CEP112: variants seen among roughly 807,000 people sequenced by gnomAD.
The protein encoded by CEP112 is centrosomal protein of 112 kDa.
CEP112 carries 127 observed loss-of-function variants against 153.0 expected under a neutral mutation model. The observed-to-expected ratio is 0.83, with a 90% confidence interval of 0.72 to 0.96. The LOEUF (loss-of-function observed/expected upper bound fraction) is 0.96, where lower values mean the gene tolerates loss of function less well. Among genes scored for constraint, CEP112 ranks in the 40% least tolerant of loss-of-function variants. The pLI, the probability that CEP112 is intolerant of heterozygous loss-of-function variation, is 0.00. For synonymous variants in CEP112, 358 were observed against 374.4 expected, an observed-to-expected ratio of 0.96 and a Z score of 0.51; for missense variants, 1,089 against 1,101.2, an observed-to-expected ratio of 0.99 and a Z score of 0.16.
intron 23 of CEP112, among the ~76,000 whole-genome samples, chr17:65,730,235 C>T (rs993037287): frequency 2.6e-5 from 4 of 152,136 alleles, no homozygotes; most frequent in Admixed American, 6.6e-5. Context: ...AGAATAGAAT[C>T]GGAGGGAAGC....
chr17:66,144,947 A>G lies in CEP112; in HGVS notation c.471-12184T>C, dbSNP rs141762498. Among the ~76,000 whole-genome samples, 215 of 152,256 alleles carry G rather than the reference A, an allele frequency of 1.4e-3. 1 individual carries two copies. Among genetic ancestry groups the G allele is most frequent in the Middle Eastern group, 6.8e-3 (2 of 294 alleles). On this transcript the variant is annotated intron_variant, in intron 4 of 26. Transcript: ENST00000535342. The stretch of plus-strand genomic sequence containing the variant: ...CTTAAAATTTATAAGAAATAGCCAA[A>G]CTGTTTTCCAGAGTGGTTGTGCAAT...
At chr17:65,707,914 A>G (rs2048996539) in intron 23 of CEP112, among the ~76,000 whole-genome samples, 1 of 152,206 alleles carries the variant, frequency 6.6e-6, no homozygotes, top group Non-Finnish European at 1.5e-5. Context: ...AATAGTCAAA[A>G]ATATATTATT....
At position 65,689,111 on chromosome 17, in the gene CEP112, TAGTAA is replaced by T; in HGVS notation, c.2697+13_2697+17del. ...AGAGAAAGTAAACAAGAGAGTCAAA[TAGTAA>T]AGGAGAGGGTACCTGTTCCTGTGAC... On this transcript the variant is annotated intron_variant, in intron 24 of 26. Coordinates refer to ENST00000535342, the MANE Select transcript of CEP112 (RefSeq NM_001199165.4). 2 of 1,553,310 alleles carry T rather than the reference TAGTAA, an allele frequency of 1.3e-6. No homozygotes were observed. Among genetic ancestry groups the T allele is most frequent in the South Asian group, 1.1e-5 (1 of 89,758 alleles).
At chr17:65,731,107 T>C (rs999082479) in intron 23 of CEP112, among the ~76,000 whole-genome samples, 3 of 152,062 alleles carry the variant, frequency 2.0e-5, no homozygotes, top group African/African-American at 7.2e-5. Flanking sequence ...GTGAGCTCAG[T>C]GGATAGTGCC....
intron 6 of CEP112, among the ~76,000 whole-genome samples, chr17:66,124,007 C>T (rs375494639): frequency 6.6e-5 from 10 of 152,192 alleles, no homozygotes; most frequent in Non-Finnish European, 1.2e-4. Context: ...ATCTCTCCTA[C>T]GGACAGTAGC....
chr17:66,104,679 G>A (rs1255604206), intron 6 of CEP112, among the ~76,000 whole-genome samples: 1 of 152,120 alleles, frequency 6.6e-6, no homozygotes, highest in Non-Finnish European at 1.5e-5. Context: ...CAGGCTCCTG[G>A]GGTCACCAAT....
intron 20 of CEP112, among the ~76,000 whole-genome samples, chr17:65,880,009 C>A (rs1043311105): frequency 1.3e-5 from 2 of 152,106 alleles, no homozygotes; most frequent in Non-Finnish European, 1.5e-5. Context: ...GAACCTGTAC[C>A]AAGTCACATC....
At chr17:66,167,948 A>G (rs2072049708) in intron 4 of CEP112, among the ~76,000 whole-genome samples, 1 of 152,250 alleles carries the variant, frequency 6.6e-6, no homozygotes, top group African/African-American at 2.4e-5. Flanking sequence ...GCTTTCACAA[A>G]TTAGAAATAC....
chr17:65,741,137 AG>A (rs1266052480), intron 23 of CEP112, among the ~76,000 whole-genome samples: 19 of 152,300 alleles, frequency 1.2e-4, no homozygotes, highest in South Asian at 8.3e-4. Context: ...TGGGGATGAC[AG>A]AAATACCTTC....
chr17:66,185,683 C>T (rs2075753574), intron 1 of CEP112, among the ~76,000 whole-genome samples: 1 of 152,200 alleles, frequency 6.6e-6, no homozygotes, highest in Non-Finnish European at 1.5e-5. Flanking sequence ...ACACACACTA[C>T]ATGTTCCTTT....
rs5821549 is a variant in CEP112 at position 66,048,100 on chromosome 17, G to GT, written c.1218+5635dup. On this transcript the variant is annotated intron_variant, in intron 12 of 26. Coordinates refer to ENST00000535342, the MANE Select transcript of CEP112 (RefSeq NM_001199165.4). Reference sequence around the variant, plus strand: ...TTATTTCTATTGTTGTATCATTTTTGTTTTTTTTTTTATTTTTTTGAATAT... The same window carrying GT: ...TTATTTCTATTGTTGTATCATTTTTGTTTTTTTTTTTTATTTTTTTGAATAT... Among the ~76,000 whole-genome samples the GT allele has an allele frequency of 2.4e-3, 350 of 148,326 alleles. 2 individuals carry two copies. The highest frequency in any genetic ancestry group is 7.6e-3 in the African/African-American group (305 of 40,200).
intron 4 of CEP112, among the ~76,000 whole-genome samples, chr17:66,160,635 T>C (rs141347847): frequency 0.011 from 1,625 of 152,282 alleles, 13 homozygotes; most frequent in Non-Finnish European, 0.018. Flanking sequence ...TGGCTAGCCA[T>C]ATGCAGAAAA....
chr17:65,655,572 T>C (rs1367531028), intron 24 of CEP112, among the ~76,000 whole-genome samples: 1 of 152,262 alleles, frequency 6.6e-6, no homozygotes, highest in Non-Finnish European at 1.5e-5. Context: ...TTATAATTCA[T>C]GTAAAATGTA....
chr17:65,990,450 T>C (rs767707945), intron 17 of CEP112, among the ~76,000 whole-genome samples: 3 of 152,240 alleles, frequency 2.0e-5, no homozygotes, highest in African/African-American at 7.2e-5. Flanking sequence ...ACCAGCCAGA[T>C]AGCATCTGTG....
chr17:65,833,487 T>C (rs1217921178), intron 21 of CEP112, among the ~76,000 whole-genome samples: 1 of 152,118 alleles, frequency 6.6e-6, no homozygotes, highest in Non-Finnish European at 1.5e-5. Flanking sequence ...CTTCAGCTGA[T>C]AAAAAACTTC....
At position 66,074,874 on chromosome 17, in the gene CEP112, A is replaced by G. The variant is rs372472894; in HGVS notation, c.769-4873T>C. ...GAGGCTCTGTCTAAAAAAAAAAAAG[A>G]AAAAAAAAAAAAAAGAAAAATCTTA... On this transcript the variant is annotated intron_variant, in intron 8 of 26. Transcript: ENST00000535342. 8.6e-3 allele frequency among the ~76,000 whole-genome samples: 1,091 copies of G among 126,480 alleles called. 6 individuals carry two copies. The highest frequency in any genetic ancestry group is 0.022 in the African/African-American group (751 of 34,464). 83.0% of individuals were successfully genotyped at this position (126,480 alleles called of 152,430 possible). A position where few individuals can be genotyped will look rare whatever the true frequency, so the allele number is the denominator to read the frequency against.
chr17:65,778,178 G>C (rs2053792925), intron 21 of CEP112, among the ~76,000 whole-genome samples: 1 of 152,174 alleles, frequency 6.6e-6, no homozygotes, highest in Non-Finnish European at 1.5e-5. Flanking sequence ...TCCTGTTGGA[G>C]ATCAACTTCT....
chr17:66,017,281 G>A (rs902469309), intron 16 of CEP112, among the ~76,000 whole-genome samples: 1 of 152,052 alleles, frequency 6.6e-6, no homozygotes, highest in East Asian at 1.9e-4. Flanking sequence ...GCCATTTCTT[G>A]ACACTGGTCA....
intron 17 of CEP112, among the ~76,000 whole-genome samples, chr17:65,987,628 A>T (rs2063455763): frequency 6.6e-6 from 1 of 152,214 alleles, no homozygotes; most frequent in South Asian, 2.1e-4. Flanking sequence ...TCTCCCACAC[A>T]GAAAACCAAA....
Sources: allele counts gnomAD v4.1 joint callset (sites outside exome capture counted in the v4.1 genomes callset), GRCh38; gene constraint gnomAD v4.1.1; transcripts MANE v1.5; gene names NCBI Gene and HGNC (gene_info 2026-07-23, HGNC 2026-07-21).